Variants in SGPP2 observed in about 807,000 individuals in gnomAD.
SGPP2 encodes sphingosine-1-phosphate phosphatase 2, also known as sphingosine 1-phosphate phosphohydrolase 2.
Under a neutral mutation model 33.9 loss-of-function variants are expected in SGPP2, and 30 were observed. The ratio of observed to expected loss-of-function variants is 0.89; its 90% CI spans 0.66 to 1.20. The LOEUF is 1.20. Among genes scored for constraint, SGPP2 ranks in the 50% most tolerant of loss-of-function variants. The pLI is 0.00. For missense variants in SGPP2, 458 were observed against 532.1 expected (o/e 0.86, Z 1.37); for synonymous variants, 233 against 225.0 (o/e 1.04, Z -0.32).
chr2:222,474,303 A>C (rs1027087665), intron 1 of SGPP2, among the ~76,000 whole-genome samples: 3 of 152,156 alleles, frequency 2.0e-5, no homozygotes, highest in African/African-American at 7.2e-5. Context: ...ACAAGAAAAA[A>C]GTTTTTGGCT....
chr2:222,424,319 G>A (rs1697023639), upstream of SGPP2, among the ~76,000 whole-genome samples: 1 of 152,062 alleles, frequency 6.6e-6, no homozygotes, highest in East Asian at 1.9e-4. Context: ...TCGGAGATCG[G>A]CACTCCTCCG....
At chr2:222,494,089 A>C (rs1453110682) in intron 2 of SGPP2, among the ~76,000 whole-genome samples, 2 of 151,996 alleles carry the variant, frequency 1.3e-5, no homozygotes, top group Non-Finnish European at 2.9e-5. Flanking sequence ...AAACCACCAA[A>C]CTGCTTTTTG....
chr2:222,547,684 C>T (rs138100159), intron 4 of SGPP2, among the ~76,000 whole-genome samples: 1 of 152,048 alleles, frequency 6.6e-6, no homozygotes, highest in Admixed American at 6.6e-5. Context: ...CAAACCAGCA[C>T]CATTTAAAGA....
chr2:222,542,328 T>C (rs933191326), intron 4 of SGPP2, among the ~76,000 whole-genome samples: 3 of 152,224 alleles, frequency 2.0e-5, no homozygotes, highest in African/African-American at 4.8e-5. Context: ...GATGCATATT[T>C]GGACTGGTTC....
Position 222,474,573 on chromosome 2 carries a change from TGTACAGAA to T in SGPP2, c.230_237del (p.Gln77ArgfsTer35). 1 of 1,613,462 alleles carries T rather than the reference TGTACAGAA, an allele frequency of 6.2e-7. No homozygotes were observed. Among genetic ancestry groups the T allele is most frequent in the East Asian group, 2.2e-5 (1 of 44,838 alleles). On this transcript the variant is annotated frameshift_variant, in exon 2 of 5. Coordinates refer to ENST00000321276, the MANE Select transcript of SGPP2 (RefSeq NM_152386.4). LOFTEE classifies it high-confidence loss of function. ...TTCTAACTTTTGTCTTTTAGGCTTA[TGTACAGAA>T]GTACGTCGTGAAGAATTATTTCTAC...
upstream of SGPP2, among the ~76,000 whole-genome samples, chr2:222,424,329 G>A (rs1697023802): frequency 6.6e-6 from 1 of 152,106 alleles, no homozygotes; most frequent in South Asian, 2.1e-4. Flanking sequence ...GCACTCCTCC[G>A]TCCAGTTACA....
chr2:222,510,565 TG>T (rs1390810555), intron 2 of SGPP2, among the ~76,000 whole-genome samples: 1 of 152,164 alleles, frequency 6.6e-6, no homozygotes, highest in African/African-American at 2.4e-5. Flanking sequence ...TATTTCTCCA[TG>T]GTGGAGGGGG....
chr2:222,466,403 C>T (rs918335616), intron 1 of SGPP2, among the ~76,000 whole-genome samples: 6 of 151,854 alleles, frequency 4.0e-5, no homozygotes, highest in Admixed American at 2.6e-4. Flanking sequence ...GGACTACAAG[C>T]GCATGCCACC....
At chr2:222,424,088 C>A (rs1184099042), upstream of SGPP2, among the ~76,000 whole-genome samples, 1 of 152,034 alleles carries the variant, frequency 6.6e-6, no homozygotes, top group East Asian at 1.9e-4. Context: ...GGTGAGAGTA[C>A]GTGGCTGGCT....
chr2:222,518,210 C>T (rs112376356), intron 2 of SGPP2, among the ~76,000 whole-genome samples: 14 of 152,288 alleles, frequency 9.2e-5, no homozygotes, highest in African/African-American at 3.1e-4. Flanking sequence ...ATTAATGAGA[C>T]ATAATATGCA....
chr2:222,431,036 TTAA>T (rs1697145053), intron 1 of SGPP2, among the ~76,000 whole-genome samples: 1 of 152,134 alleles, frequency 6.6e-6, no homozygotes, highest in African/African-American at 2.4e-5. Context: ...TGGACTTCAG[TTAA>T]TAATAATGTA....
Position 222,424,773 on chromosome 2 carries a change from GGGC to G in SGPP2, c.176_178del (p.Gly59del). 1 of 1,400,308 alleles carries G rather than the reference GGGC, an allele frequency of 7.1e-7. No individual in the cohort carries two copies. Among genetic ancestry groups the G allele is most frequent in the African/African-American group, 1.5e-5 (1 of 66,766 alleles). 86.7% of individuals were successfully genotyped at this position (1,400,308 alleles called of 1,614,324 possible). ...AGCATCTCCCCGCAGCCAACGGCAAGGGCGGCGAGGCTCCGGCCAACGGGCTGC... is the reference window on the plus strand; with the variant it reads ...AGCATCTCCCCGCAGCCAACGGCAAGGGCGAGGCTCCGGCCAACGGGCTGC... On this transcript the variant is annotated inframe_deletion, in exon 1 of 5. Coordinates refer to ENST00000321276, the MANE Select transcript of SGPP2 (RefSeq NM_152386.4).
At chr2:222,434,529 C>G (rs1308579960) in intron 1 of SGPP2, among the ~76,000 whole-genome samples, 1 of 152,160 alleles carries the variant, frequency 6.6e-6, no homozygotes, top group South Asian at 2.1e-4. Flanking sequence ...ATTTTAAATA[C>G]TATTCTCTCC....
chr2:222,494,691 C>T (rs1377399397), intron 2 of SGPP2, among the ~76,000 whole-genome samples: 1 of 152,204 alleles, frequency 6.6e-6, no homozygotes, highest in African/African-American at 2.4e-5. Flanking sequence ...GGGAGCTAAC[C>T]AAGAGCATAA....
intron 2 of SGPP2, 72 bp from the exon 3 acceptor site, chr2:222,521,695 T>C (rs1219743115): frequency 3.3e-6 from 5 of 1,516,292 alleles, no homozygotes; most frequent in Non-Finnish European, 4.4e-6. Flanking sequence ...CCCCAAAATA[T>C]ATCCATGACA....
intron 2 of SGPP2, among the ~76,000 whole-genome samples, chr2:222,500,688 G>A (rs545242349): frequency 8.8e-4 from 134 of 152,292 alleles, no homozygotes; most frequent in South Asian, 2.1e-3. Flanking sequence ...CTGAAAACTG[G>A]CATTGTCTGC....
At chr2:222,471,069 A>T (rs1314474886) in intron 1 of SGPP2, among the ~76,000 whole-genome samples, 1 of 152,260 alleles carries the variant, frequency 6.6e-6, no homozygotes, top group Non-Finnish European at 1.5e-5. Flanking sequence ...ATTCCTGTTT[A>T]GGATGAATGT....
At chr2:222,484,568 T>C (rs146121482) in intron 2 of SGPP2, among the ~76,000 whole-genome samples, 233 of 152,344 alleles carry the variant, frequency 1.5e-3, no homozygotes, top group African/African-American at 5.4e-3. Flanking sequence ...TTCATCCTTC[T>C]TCCCTCCTTT....
intron 4 of SGPP2, among the ~76,000 whole-genome samples, chr2:222,549,083 G>C (rs530337284): frequency 6.6e-6 from 1 of 152,340 alleles, no homozygotes; most frequent in East Asian, 1.9e-4. Context: ...CCTGGCTTCA[G>C]CTTACTCTGT....
Sources: allele counts gnomAD v4.1 joint callset (sites outside exome capture counted in the v4.1 genomes callset), GRCh38; gene constraint gnomAD v4.1.1; transcripts MANE v1.5; gene names NCBI Gene and HGNC (gene_info 2026-07-23, HGNC 2026-07-21).